NPAT: variants seen among roughly 807,000 people sequenced by gnomAD.
NPAT encodes protein NPAT.
In NPAT, 52 loss-of-function variants were observed where a neutral mutation model predicts 130.7. The observed-to-expected ratio is 0.40, with a 90% CI of 0.32 to 0.50. The LOEUF (loss-of-function observed/expected upper bound fraction) is 0.50, where lower values mean the gene tolerates loss of function less well. NPAT is among the 20% of genes least tolerant of loss of function. The probability of loss-of-function intolerance (pLI) is 0.68; values close to 1 mark genes in which losing one functional copy is unlikely to be tolerated. For synonymous variants in NPAT, 580 were observed against 584.8 expected (o/e 0.99, Z 0.12); for missense variants, 1,687 against 1,662.6 (o/e 1.01, Z -0.26).
chr11:108,163,585 A>C (rs1382726018), intron 15 of NPAT, among the ~76,000 whole-genome samples: 2 of 152,234 alleles, frequency 1.3e-5, no homozygotes, highest in Non-Finnish European at 2.9e-5. Context: ...AAAAAAATAA[A>C]TTGTGACATT....
intron 1 of NPAT, among the ~76,000 whole-genome samples, chr11:108,203,472 T>C (rs2078294257): frequency 1.3e-5 from 2 of 152,224 alleles, no homozygotes; most frequent in Admixed American, 1.3e-4. Context: ...AGATTCATCA[T>C]ACTCGAGTAA....
intron 1 of NPAT, among the ~76,000 whole-genome samples, chr11:108,197,800 A>G (rs181525057): frequency 1.3e-5 from 2 of 152,352 alleles, no homozygotes; most frequent in Non-Finnish European, 2.9e-5. Flanking sequence ...TCAGAAAACT[A>G]TGTTCTCACA....
At chr11:108,214,016 T>G (rs1393321618) in intron 1 of NPAT, among the ~76,000 whole-genome samples, 1 of 152,100 alleles carries the variant, frequency 6.6e-6, no homozygotes, top group African/African-American at 2.4e-5. Flanking sequence ...GCCAACCCAG[T>G]AGCTAGGACT....
chr11:108,167,372 C>T (rs1034043484), intron 15 of NPAT, among the ~76,000 whole-genome samples: 3 of 152,146 alleles, frequency 2.0e-5, no homozygotes, highest in African/African-American at 7.2e-5. Context: ...CCACAGCTGG[C>T]TACTTTTAAA....
At chr11:108,179,926 A>G (rs572791821) in intron 10 of NPAT, among the ~76,000 whole-genome samples, 1 of 152,264 alleles carries the variant, frequency 6.6e-6, no homozygotes, top group African/African-American at 2.4e-5. Context: ...GACTACATCC[A>G]ATGTTAAAAC....
At chr11:108,210,493 G>A (rs534464762) in intron 1 of NPAT, among the ~76,000 whole-genome samples, 4 of 152,310 alleles carry the variant, frequency 2.6e-5, no homozygotes, top group Admixed American at 6.5e-5. Context: ...TGATTGTTAA[G>A]CTTCCCAAGG....
intron 2 of NPAT, among the ~76,000 whole-genome samples, chr11:108,194,226 A>G (rs2078198555): frequency 6.6e-6 from 1 of 152,316 alleles, no homozygotes; most frequent in Admixed American, 6.5e-5. Context: ...CTGTTTGACT[A>G]GGACATTATA....
intron 3 of NPAT, 91 bp from the exon 4 acceptor site, chr11:108,192,281 T>C (rs923664978): frequency 4.8e-6 from 4 of 833,250 alleles, no homozygotes; most frequent in Non-Finnish European, 6.4e-6. Context: ...ACCTTGTCTC[T>C]CAATTATTGA....
At chr11:108,186,310 C>A (rs1591399758) in intron 8 of NPAT, among the ~76,000 whole-genome samples, 172 bp downstream of exon 8, 1 of 152,188 alleles carries the variant, frequency 6.6e-6, no homozygotes, top group Non-Finnish European at 1.5e-5. Context: ...TGCCATAGCA[C>A]CTGGCCAGTA....
At chr11:108,189,681 T>A (rs968287269) in intron 5 of NPAT, among the ~76,000 whole-genome samples, 5 of 151,218 alleles carry the variant, frequency 3.3e-5, no homozygotes, top group Non-Finnish European at 5.9e-5. Context: ...CCATCCTGGC[T>A]AACACGGTGA....
intron 1 of NPAT, among the ~76,000 whole-genome samples, chr11:108,221,977 C>A (rs1472940059): frequency 1.3e-5 from 2 of 152,146 alleles, no homozygotes; most frequent in African/African-American, 2.4e-5. Flanking sequence ...CTACACTGGA[C>A]GACGTATTGC....
At chr11:108,205,993 C>T (rs1030745677) in intron 1 of NPAT, among the ~76,000 whole-genome samples, 3 of 152,174 alleles carry the variant, frequency 2.0e-5, no homozygotes, top group Non-Finnish European at 4.4e-5. Flanking sequence ...TGCAGTGAGG[C>T]GAGATCATGC....
rs150254017 is a variant in NPAT, at chr11:108,204,458, T to C, written c.38-7038A>G. ...TACCCTCTCATGTTGAGAGCTGTTC[T>C]GTTGCTCAATAAAAATCCTTTTCCA... On this transcript the variant is annotated intron_variant, in intron 1 of 17. Coordinates refer to ENST00000278612, the MANE Select transcript of NPAT (RefSeq NM_002519.3). Among the ~76,000 whole-genome samples, 1,060 of 152,330 alleles carry C rather than the reference T, an allele frequency of 7.0e-3. 17 individuals carry two copies. The highest frequency in any genetic ancestry group is 0.024 in the African/African-American group (982 of 41,578).
In NPAT at chr11:108,173,742, T is replaced by A; in HGVS notation, c.1242A>T (p.Glu414Asp). The change falls in exon 13 of 18, where the codon GAA (glutamate) becomes GAT (aspartate). Residue 414 changes from glutamate to aspartate, a missense_variant. Coordinates refer to ENST00000278612, the MANE Select transcript of NPAT (RefSeq NM_002519.3). ...TGCTGGTACTTATTTGGGAAAAATT[T>A]TCCTGGTCTTCTTGTCTAAGCACAT... ...NHDVLRQEDQENFSQISTSIQ... is the reference protein window; with the variant it reads ...NHDVLRQEDQDNFSQISTSIQ... The A allele has an allele frequency of 6.2e-7, 1 of 1,614,178 alleles. No individual in the cohort carries two copies.
At position 108,161,359 on chromosome 11, in the gene NPAT, T is replaced by G. The variant is rs780864984; in HGVS notation, c.3727A>C (p.Thr1243Pro). The G allele has an allele frequency of 4.3e-6, 7 of 1,614,104 alleles. No individual in the cohort carries two copies. In the African/African-American group the frequency reaches 9.3e-5, roughly 22 times the overall value. The change falls in exon 17 of 18, where the codon ACC becomes CCC. Residue 1243 changes from threonine to proline, a missense_variant. Physicochemically the swap from Thr to Pro is conservative, Grantham distance 38. Transcript: ENST00000278612. ...TGTATATCCTGTAACATTTCTGTGG[T>G]AATCAAAGAACTGGCGGATTTAGTT... ...EQTKSASSLI[T>P]TEMLQDIQRH... is the part of the protein sequence containing the mutation.
intron 10 of NPAT, among the ~76,000 whole-genome samples, chr11:108,181,430 A>G (rs1178726626): frequency 2.0e-5 from 3 of 151,958 alleles, no homozygotes; most frequent in Non-Finnish European, 2.9e-5. Flanking sequence ...ACACCACTGC[A>G]TTCCAGCCAG....
intron 1 of NPAT, among the ~76,000 whole-genome samples, chr11:108,222,202 G>T (rs2078520292): frequency 6.6e-6 from 1 of 152,100 alleles, no homozygotes; most frequent in Admixed American, 6.5e-5. Flanking sequence ...CTCTTTCAGG[G>T]GTCCTAATTA....
intron 1 of NPAT, among the ~76,000 whole-genome samples, chr11:108,201,762 T>A (rs1260609275): frequency 1.3e-5 from 2 of 152,230 alleles, no homozygotes; most frequent in African/African-American, 4.8e-5. Flanking sequence ...CCTCAAATAT[T>A]AAGCTGTGCT....
At chr11:108,159,811 G>A (rs2077827932) in intron 17 of NPAT, among the ~76,000 whole-genome samples, 1 of 150,760 alleles carries the variant, frequency 6.6e-6, no homozygotes. Flanking sequence ...AGGACTTCAA[G>A]ACCAGCCTGG....
Sources: allele counts gnomAD v4.1 joint callset (sites outside exome capture counted in the v4.1 genomes callset), GRCh38; gene constraint gnomAD v4.1.1; transcripts MANE v1.5; gene names NCBI Gene and HGNC (gene_info 2026-07-23, HGNC 2026-07-21).